SLC26A7: variants seen among roughly 807,000 people sequenced by gnomAD.
SLC26A7 encodes the protein solute carrier family 26 member 7.
In SLC26A7, 59 loss-of-function variants were observed where a neutral mutation model predicts 82.5. That is an observed-to-expected ratio of 0.72 (90% CI 0.58 to 0.89). The LOEUF (loss-of-function observed/expected upper bound fraction) is 0.89, where lower values mean the gene tolerates loss of function less well. SLC26A7 is among the 40% of genes least tolerant of loss of function. SLC26A7 has a pLI of 0.00. For missense variants in SLC26A7, 820 were observed against 793.0 expected (o/e 1.03, Z -0.41); for synonymous variants, 271 against 274.3 (o/e 0.99, Z 0.12).
chr8:91,323,910 C>T (rs1355718102), intron 5 of SLC26A7, among the ~76,000 whole-genome samples: 1 of 151,192 alleles, frequency 6.6e-6, no homozygotes, highest in Non-Finnish European at 1.5e-5. Flanking sequence ...CCTCCACCTC[C>T]CGGGTTCAAT....
intron 2 of SLC26A7, among the ~76,000 whole-genome samples, chr8:91,234,829 T>C (rs199836653): frequency 0.036 from 2,816 of 77,754 alleles, 33 homozygotes; most frequent in Non-Finnish European, 0.048. Context: ...ACCTACCTAC[T>C]TCCTTCCTTC....
Position 91,233,735 on chromosome 8 carries a change from T to C in SLC26A7, c.-34+14730T>C, listed in dbSNP as rs529497666. On this transcript the variant is annotated intron_variant, in intron 2 of 5. Transcript: ENST00000522862. ...CTACACTAAAACTCTCAGCTACCTC[T>C]GTTTTAGTTCAATGTGTTTTATTTT... Among the ~76,000 whole-genome samples, 62 of 152,334 alleles carry C rather than the reference T, an allele frequency of 4.1e-4. No individual in the cohort carries two copies. In the East Asian group the frequency reaches 6.2e-3, roughly 15 times the overall value.
intron 15 of SLC26A7, among the ~76,000 whole-genome samples, chr8:91,383,018 A>G (rs1814707276): frequency 6.6e-6 from 1 of 152,134 alleles, no homozygotes; most frequent in Non-Finnish European, 1.5e-5. Context: ...AGTAGGCTAT[A>G]TACATGAAAG....
intron 4 of SLC26A7, among the ~76,000 whole-genome samples, chr8:91,308,471 C>G (rs1812385673): frequency 6.6e-6 from 1 of 152,140 alleles, no homozygotes; most frequent in Non-Finnish European, 1.5e-5. Flanking sequence ...CTCACCACAT[C>G]ATAAACTATA....
At chr8:91,325,537 G>A (rs1812908640) in intron 5 of SLC26A7, among the ~76,000 whole-genome samples, 1 of 152,090 alleles carries the variant, frequency 6.6e-6, no homozygotes, top group African/African-American at 2.4e-5. Flanking sequence ...AAGTTGAAAG[G>A]CGTATTGCTT....
At chr8:91,256,401 G>A (rs759424883) in intron 2 of SLC26A7, among the ~76,000 whole-genome samples, 1 of 152,060 alleles carries the variant, frequency 6.6e-6, no homozygotes, top group Non-Finnish European at 1.5e-5. Context: ...CTAGGCATAA[G>A]GATATGAGTT....
intron 11 of SLC26A7, 56 bp downstream of exon 11, chr8:91,353,052 A>C (rs1444869484): frequency 9.1e-7 from 1 of 1,102,844 alleles, no homozygotes; most frequent in African/African-American, 1.6e-5. Flanking sequence ...TATGTTACCA[A>C]ATATGCACTA....
rs898114772 is a variant in SLC26A7, at chr8:91,320,458, T to C, written c.642+2078T>C. The stretch of plus-strand genomic sequence containing the variant: ...CACAGAGTCCTGTACTGTGAGGCTG[T>C]TAGGTGGGAATGGTGCTTTGGTTCT... On this transcript the variant is annotated intron_variant, in intron 5 of 18. Transcript: ENST00000276609. 3.3e-5 allele frequency among the ~76,000 whole-genome samples: 5 copies of C among 152,300 alleles called. No homozygotes were observed. In the South Asian group the frequency reaches 1.0e-3, roughly 32 times the overall value.
chr8:91,320,966 TGGGC>T lies in SLC26A7; in HGVS notation c.642+2587_642+2590del, dbSNP rs548517691. The stretch of plus-strand genomic sequence containing the variant: ...AGTCATGATTCCTAATAGTCCCAGG[TGGGC>T]TACTCATTTTTGTCAAAAGAGTCCA... On this transcript the variant is annotated intron_variant, in intron 5 of 18. Coordinates refer to ENST00000276609, the MANE Select transcript of SLC26A7 (RefSeq NM_052832.4). Among the ~76,000 whole-genome samples the T allele has an allele frequency of 5.3e-5, 8 of 152,324 alleles. No homozygotes were observed. In the South Asian group the frequency reaches 1.4e-3, roughly 28 times the overall value.
Position 91,285,380 on chromosome 8 carries a change from C to A in SLC26A7, c.194-3756C>A, listed in dbSNP as rs79921635. ...CACGCCTTCATTGTCACATGATGTT[C>A]TTCCTGTGTGCTTGCATGTCTCTTC... On this transcript the variant is annotated intron_variant, in intron 2 of 18. Coordinates refer to ENST00000276609, the MANE Select transcript of SLC26A7 (RefSeq NM_052832.4). 5.3e-3 allele frequency among the ~76,000 whole-genome samples: 807 copies of A among 152,382 alleles called. 7 individuals carry two copies. Among genetic ancestry groups the A allele is most frequent in the African/African-American group, 0.018 (766 of 41,592 alleles).
intron 9 of SLC26A7, chr8:91,344,210 T>C (rs1813498765): frequency 1.0e-6 from 1 of 984,888 alleles, no homozygotes; most frequent in Non-Finnish European, 1.2e-6. Context: ...GAAGGAGGTG[T>C]AATTATTATC....
chr8:91,279,646 G>A (rs139917754), intron 2 of SLC26A7, among the ~76,000 whole-genome samples: 4 of 127,898 alleles, frequency 3.1e-5, no homozygotes, highest in South Asian at 2.5e-4. Flanking sequence ...TGCAAGCTCC[G>A]CCTCCCGGGT....
intron 3 of SLC26A7, among the ~76,000 whole-genome samples, chr8:91,291,090 T>C (rs1031984762): frequency 6.6e-6 from 1 of 152,188 alleles, no homozygotes; most frequent in Non-Finnish European, 1.5e-5. Context: ...TACGTATATA[T>C]ATTTAAGTTT....
At chr8:91,225,341 T>A (rs1270444263) in intron 2 of SLC26A7, among the ~76,000 whole-genome samples, 1 of 152,138 alleles carries the variant, frequency 6.6e-6, no homozygotes, top group Admixed American at 6.5e-5. Flanking sequence ...GGTTGCACAG[T>A]TCCGTGGAAA....
Position 91,362,080 on chromosome 8 carries a change from T to G in SLC26A7, c.1315-273T>G, listed in dbSNP as rs76558901. On this transcript the variant is annotated intron_variant, in intron 11 of 18. Transcript: ENST00000276609. ...CACATCAACCAAGTATTTACAGATC[T>G]TAAATACAGTGTTTGTTGGGGATTG... Among the ~76,000 whole-genome samples, 628 of 152,208 alleles carry G rather than the reference T, an allele frequency of 4.1e-3. 5 individuals carry two copies. The highest frequency in any genetic ancestry group is 0.014 in the African/African-American group (571 of 41,570).
At chr8:91,279,098 A>G (rs1020201931) in intron 2 of SLC26A7, among the ~76,000 whole-genome samples, 5 of 140,440 alleles carry the variant, frequency 3.6e-5, no homozygotes, top group African/African-American at 1.3e-4. Flanking sequence ...AAGGCTGAAC[A>G]GTATTTCATA....
chr8:91,289,108 G>A (rs917905609), intron 2 of SLC26A7, 28 bp from the exon 3 acceptor site: 1 of 1,519,302 alleles, frequency 6.6e-7, no homozygotes, highest in Non-Finnish European at 9.1e-7. Flanking sequence ...TTATAAGGTG[G>A]TTTTAATTAC....
intron 2 of SLC26A7, among the ~76,000 whole-genome samples, chr8:91,273,935 G>C (rs1354505751): frequency 2.0e-5 from 3 of 152,114 alleles, no homozygotes; most frequent in Non-Finnish European, 4.4e-5. Context: ...ATCTCTCATG[G>C]AATTTAATAT....
intron 6 of SLC26A7, 32 bp downstream of exon 6, chr8:91,334,479 C>A: frequency 1.3e-6 from 2 of 1,584,764 alleles, no homozygotes; most frequent in South Asian, 1.1e-5. Context: ...AGCTTTTTGC[C>A]ATGCAAAGCT....
Sources: gnomAD v4.1 joint callset for allele counts (sites outside exome capture counted in the v4.1 genomes callset) on GRCh38, gnomAD v4.1.1 for gene constraint, MANE v1.5 for transcripts, NCBI Gene and HGNC (gene_info 2026-07-23, HGNC 2026-07-21) for gene names.